The following ZCCHC7 variants were observed in gnomAD, a reference collection of about 807,000 sequenced individuals.
The protein encoded by ZCCHC7 is zinc finger CCHC domain-containing protein 7.
In ZCCHC7, 35 loss-of-function variants were observed where a neutral mutation model predicts 52.0. The observed-to-expected ratio is 0.67, with a 90% CI of 0.51 to 0.89. The LOEUF is 0.89. Ranked by LOEUF, ZCCHC7 falls within the 40% of genes least tolerant of loss-of-function variation. ZCCHC7 has a pLI of 0.00. For synonymous variants in ZCCHC7, 217 were observed against 221.5 expected, an observed-to-expected ratio of 0.98 and a Z score of 0.18; for missense variants, 574 against 649.1, an observed-to-expected ratio of 0.88 and a Z score of 1.26.
rs769079464 is a variant in ZCCHC7, at chr9:37,320,753, G to T, written c.952-7046G>T. ...ATCAGACCTAAGGATGATTATTTGT[G>T]TATCTGACATAAGCTGGATGCTATC... On this transcript the variant is annotated intron_variant, in intron 5 of 8. Coordinates refer to ENST00000336755, the MANE Select transcript of ZCCHC7 (RefSeq NM_032226.3). Among the ~76,000 whole-genome samples the T allele has an allele frequency of 5.9e-5, 9 of 152,154 alleles. No individual in the cohort carries two copies. In the South Asian group the frequency reaches 6.2e-4, roughly 11 times the overall value.
chr9:37,355,594 A>AT (rs1488931662), intron 8 of ZCCHC7, among the ~76,000 whole-genome samples: 1 of 152,248 alleles, frequency 6.6e-6, no homozygotes, highest in Non-Finnish European at 1.5e-5. Flanking sequence ...TTAATATAAA[A>AT]TGTATGTCAT....
chr9:37,311,181 A>C (rs1483903079), intron 5 of ZCCHC7, among the ~76,000 whole-genome samples: 1 of 152,032 alleles, frequency 6.6e-6, no homozygotes, highest in Non-Finnish European at 1.5e-5. Context: ...ATCTTTATTA[A>C]TTGTTCAGAT....
chr9:37,330,006 G>T (rs556135199), intron 6 of ZCCHC7, among the ~76,000 whole-genome samples: 1 of 151,918 alleles, frequency 6.6e-6, no homozygotes, highest in African/African-American at 2.4e-5. Context: ...GTTTGGAGAT[G>T]TTTATATTTG....
chr9:37,347,438 C>A (rs1016345585), intron 6 of ZCCHC7, among the ~76,000 whole-genome samples: 27 of 152,144 alleles, frequency 1.8e-4, no homozygotes, highest in African/African-American at 6.3e-4. Flanking sequence ...TATTAAATGG[C>A]AGAAACTGCA....
At chr9:37,165,720 A>C (rs1291949600) in intron 2 of ZCCHC7, among the ~76,000 whole-genome samples, 1 of 152,222 alleles carries the variant, frequency 6.6e-6, no homozygotes, top group African/African-American at 2.4e-5. Context: ...GTTCTCATGT[A>C]ATTTCACATA....
chr9:37,350,064 A>G (rs1313237819), intron 7 of ZCCHC7, among the ~76,000 whole-genome samples: 1 of 151,234 alleles, frequency 6.6e-6, no homozygotes, highest in Non-Finnish European at 1.5e-5. Flanking sequence ...CTGGGATTAC[A>G]GGCGTGAGCT....
At chr9:37,263,365 A>C (rs909097657) in intron 2 of ZCCHC7, among the ~76,000 whole-genome samples, 1 of 151,928 alleles carries the variant, frequency 6.6e-6, no homozygotes, top group East Asian at 1.9e-4. Flanking sequence ...TTGTATTTTT[A>C]AAATGGAAGG....
chr9:37,159,156 G>GA (rs1430815090), intron 2 of ZCCHC7, among the ~76,000 whole-genome samples: 4 of 152,144 alleles, frequency 2.6e-5, no homozygotes, highest in African/African-American at 9.7e-5. Flanking sequence ...TAATCCTTTT[G>GA]AAACAGATTT....
chr9:37,323,488 CTTAGAG>C (rs374339500), intron 5 of ZCCHC7, among the ~76,000 whole-genome samples: 3 of 152,132 alleles, frequency 2.0e-5, no homozygotes, highest in Non-Finnish European at 2.9e-5. Flanking sequence ...TTGGAGGCAG[CTTAGAG>C]TTAAAGACCA....
intron 2 of ZCCHC7, among the ~76,000 whole-genome samples, chr9:37,215,429 TTTATC>T: frequency 6.6e-6 from 1 of 152,328 alleles, no homozygotes; most frequent in Middle Eastern, 3.4e-3. Flanking sequence ...AATGATGCTA[TTTATC>T]TTTAAAGGAA....
At chr9:37,336,323 C>T (rs1421062677) in intron 6 of ZCCHC7, among the ~76,000 whole-genome samples, 4 of 152,102 alleles carry the variant, frequency 2.6e-5, no homozygotes, top group African/African-American at 9.7e-5. Context: ...AAGAGCATTC[C>T]TATTTCATGT....
At chr9:37,293,277 G>T (rs572834763) in intron 2 of ZCCHC7, among the ~76,000 whole-genome samples, 1 of 152,276 alleles carries the variant, frequency 6.6e-6, no homozygotes, top group South Asian at 2.1e-4. Flanking sequence ...AATTGTTCTG[G>T]ATTTGTTTCA....
chr9:37,320,320 C>A (rs150285677), intron 5 of ZCCHC7, among the ~76,000 whole-genome samples: 12 of 152,268 alleles, frequency 7.9e-5, no homozygotes, highest in African/African-American at 2.6e-4. Flanking sequence ...TCAGGTGATC[C>A]GCCAACCTTG....
chr9:37,289,099 G>T (rs1828402097), intron 2 of ZCCHC7, among the ~76,000 whole-genome samples: 1 of 150,882 alleles, frequency 6.6e-6, no homozygotes, highest in Non-Finnish European at 1.5e-5. Context: ...TATCATTTTA[G>T]TTGCTGAGGC....
chr9:37,312,955 G>A (rs922843453), intron 5 of ZCCHC7, among the ~76,000 whole-genome samples: 6 of 152,122 alleles, frequency 3.9e-5, no homozygotes, highest in African/African-American at 1.2e-4. Flanking sequence ...TAACTTAGAT[G>A]TGTAAAATCA....
chr9:37,253,286 C>G (rs1026593661), intron 2 of ZCCHC7, among the ~76,000 whole-genome samples: 2 of 151,466 alleles, frequency 1.3e-5, no homozygotes, highest in Non-Finnish European at 2.9e-5. Context: ...ATATGATCAT[C>G]TAAAAGACTT....
chr9:37,293,773 G>C (rs1442659948), intron 2 of ZCCHC7, among the ~76,000 whole-genome samples: 2 of 152,090 alleles, frequency 1.3e-5, no homozygotes, highest in African/African-American at 4.8e-5. Context: ...GTTTGGGACA[G>C]AGGTAATGGG....
At chr9:37,279,817 G>A (rs569023098) in intron 2 of ZCCHC7, among the ~76,000 whole-genome samples, 252 of 152,010 alleles carry the variant, frequency 1.7e-3, no homozygotes, top group African/African-American at 5.8e-3. Flanking sequence ...TATTAATCAG[G>A]TAAGTAAACT....
chr9:37,349,360 A>T lies in ZCCHC7; in HGVS notation c.991A>T (p.Lys331Ter), dbSNP rs1326562462. Residue 331 changes from lysine to a stop codon, truncating the protein, a stop_gained, in exon 7 of 9, where the codon AAA becomes TAA. Transcript: ENST00000336755. LOFTEE classifies it high-confidence loss of function. Reference protein sequence around the residue: ...EIWRQYHLTTKPGPPKKPKTP... With the variant: ...EIWRQYHLTT The stretch of plus-strand genomic sequence containing the variant: ...CTCACAAATATTCATGTTGCAGACC[A>T]AACCTGGACCACCCAAAAAGCCGAA... 1 of 1,614,002 alleles carries T rather than the reference A, an allele frequency of 6.2e-7. No homozygotes were observed. Among genetic ancestry groups the T allele is most frequent in the Non-Finnish European group, 8.5e-7 (1 of 1,179,966 alleles).
Sources: allele counts gnomAD v4.1 joint callset (sites outside exome capture counted in the v4.1 genomes callset), GRCh38; gene constraint gnomAD v4.1.1; transcripts MANE v1.5; gene names NCBI Gene and HGNC (gene_info 2026-07-23, HGNC 2026-07-21).